The following ANO10 variants were observed in gnomAD, a reference collection of about 807,000 sequenced individuals.
The protein encoded by ANO10 is anoctamin-10.
Under a neutral mutation model 74.7 loss-of-function variants are expected in ANO10, and 77 were observed. The ratio of observed to expected loss-of-function variants is 1.03; its 90% confidence interval spans 0.86 to 1.25. The LOEUF is 1.25. Among genes scored for constraint, ANO10 ranks in the 50% most tolerant of loss-of-function variants. The pLI, the probability that ANO10 is intolerant of heterozygous loss-of-function variation, is 0.00. For synonymous variants in ANO10, 279 were observed against 284.9 expected, an observed-to-expected ratio of 0.98 and a Z score of 0.21; for missense variants, 721 against 778.1, an observed-to-expected ratio of 0.93 and a Z score of 0.87.
At chr3:43,620,701 G>A (rs2083348618) in intron 1 of ANO10, among the ~76,000 whole-genome samples, 1 of 152,168 alleles carries the variant, frequency 6.6e-6, no homozygotes, top group African/African-American at 2.4e-5. Flanking sequence ...AGAGGCGGAG[G>A]TTGCAGTGAG....
chr3:43,388,858 G>T (rs2092200089), intron 12 of ANO10, among the ~76,000 whole-genome samples: 2 of 152,214 alleles, frequency 1.3e-5, no homozygotes, highest in South Asian at 4.1e-4. Flanking sequence ...ATGGAAAGAA[G>T]CTAGTCCCAA....
chr3:43,588,315 G>C (rs1485723793), intron 4 of ANO10, among the ~76,000 whole-genome samples: 1 of 151,864 alleles, frequency 6.6e-6, no homozygotes, highest in Non-Finnish European at 1.5e-5. Flanking sequence ...AAGAAATTAA[G>C]TAATAGCCTA....
chr3:43,371,694 G>A (rs1012731281), intron 12 of ANO10, among the ~76,000 whole-genome samples: 5 of 152,134 alleles, frequency 3.3e-5, no homozygotes, highest in African/African-American at 1.2e-4. Flanking sequence ...CCACAAGCAA[G>A]GGCTTCTCTA....
chr3:43,552,271 T>C (rs921842269), intron 10 of ANO10, among the ~76,000 whole-genome samples: 1 of 152,260 alleles, frequency 6.6e-6, no homozygotes, highest in Middle Eastern at 3.4e-3. Flanking sequence ...CTTGTCTACA[T>C]AGGTTGGGTA....
intron 1 of ANO10, among the ~76,000 whole-genome samples, chr3:43,680,378 T>G (rs2084179418): frequency 6.6e-6 from 1 of 151,790 alleles, no homozygotes. Context: ...AGAAGAGAAG[T>G]TTAGAGAAAA....
chr3:43,525,095 T>G lies in ANO10; in HGVS notation c.1797+24625A>C, dbSNP rs576066137. Among the ~76,000 whole-genome samples, 3 of 152,228 alleles carry G rather than the reference T, an allele frequency of 2.0e-5. No homozygotes were observed. In the South Asian group the frequency reaches 6.2e-4, roughly 32 times the overall value. On this transcript the variant is annotated intron_variant, in intron 11 of 12. Transcript: ENST00000292246. ...TGTGTTGAGGTCATCACCACAGCCA[T>G]ACTCTTACCCCCCACCGACCAATGA...
chr3:43,389,555 G>A lies in ANO10; in HGVS notation c.1915-22581C>T, dbSNP rs975554309. ...CATTTCAGAGAAGTCAAACAAACAAGCTTGCACCAAATAAATAACCATGCA... is the reference window on the plus strand; with the variant it reads ...CATTTCAGAGAAGTCAAACAAACAAACTTGCACCAAATAAATAACCATGCA... On this transcript the variant is annotated intron_variant, in intron 12 of 12. Transcript: ENST00000292246. Among the ~76,000 whole-genome samples, 12 of 152,144 alleles carry A rather than the reference G, an allele frequency of 7.9e-5. 1 individual carries two copies. Among genetic ancestry groups the A allele is most frequent in the Non-Finnish European group, 1.8e-4 (12 of 68,028 alleles).
chr3:43,438,040 G>A (rs2093098962), intron 11 of ANO10, among the ~76,000 whole-genome samples: 1 of 152,076 alleles, frequency 6.6e-6, no homozygotes, highest in Admixed American at 6.6e-5. Flanking sequence ...TAAATAAAAT[G>A]AGGAAAACAA....
At chr3:43,595,190 A>T (rs2082013796) in intron 4 of ANO10, among the ~76,000 whole-genome samples, 1 of 152,246 alleles carries the variant, frequency 6.6e-6, no homozygotes, top group Non-Finnish European at 1.5e-5. Flanking sequence ...AGGTACAAAG[A>T]GGAGCTGGCA....
intron 12 of ANO10, among the ~76,000 whole-genome samples, chr3:43,403,043 T>C (rs952580702): frequency 6.6e-6 from 1 of 152,228 alleles, no homozygotes. Flanking sequence ...GCAGGGCCTC[T>C]GAGCCTCAAA....
chr3:43,670,641 T>G (rs537998016), intron 1 of ANO10, among the ~76,000 whole-genome samples: 60 of 152,308 alleles, frequency 3.9e-4, no homozygotes, highest in African/African-American at 1.4e-3. Flanking sequence ...GAGGGGTCAG[T>G]TCTAATTTAC....
At chr3:43,622,317 G>C (rs188133363), upstream of ANO10, among the ~76,000 whole-genome samples, 2 of 152,234 alleles carry the variant, frequency 1.3e-5, no homozygotes, top group African/African-American at 4.8e-5. Flanking sequence ...AATCCGGACG[G>C]CAGCGGGAGA....
chr3:43,684,187 A>G (rs1265499344), intron 1 of ANO10, among the ~76,000 whole-genome samples: 4 of 152,220 alleles, frequency 2.6e-5, no homozygotes, highest in African/African-American at 4.8e-5. Flanking sequence ...CTCATCTGAC[A>G]AAGGGCTAAT....
chr3:43,502,366 T>C (rs540038852), intron 11 of ANO10, among the ~76,000 whole-genome samples: 29 of 152,286 alleles, frequency 1.9e-4, no homozygotes, highest in African/African-American at 6.5e-4. Context: ...TTTGGTGCCA[T>C]CCTTGCTGTA....
chr3:43,570,819 A>C (rs1171735965), intron 7 of ANO10, among the ~76,000 whole-genome samples: 21 of 141,294 alleles, frequency 1.5e-4, no homozygotes, highest in Non-Finnish European at 1.5e-4. Flanking sequence ...GCAACAAAAG[A>C]CAAAATTGAC....
intron 11 of ANO10, among the ~76,000 whole-genome samples, chr3:43,513,440 A>T (rs1435489154): frequency 2.0e-5 from 3 of 152,268 alleles, no homozygotes; most frequent in Non-Finnish European, 4.4e-5. Context: ...ACAACAAAAC[A>T]AAAAGTTGTT....
chr3:43,471,610 A>G (rs2075861445), intron 11 of ANO10, among the ~76,000 whole-genome samples: 2 of 152,164 alleles, frequency 1.3e-5, no homozygotes, highest in African/African-American at 4.8e-5. Flanking sequence ...GTGACAGAGG[A>G]GCAAGTATTT....
At chr3:43,483,814 G>T (rs981607849) in intron 11 of ANO10, among the ~76,000 whole-genome samples, 1 of 152,094 alleles carries the variant, frequency 6.6e-6, no homozygotes, top group Non-Finnish European at 1.5e-5. Context: ...TTGAAACAGG[G>T]GCTTACAGGT....
chr3:43,429,792 TTTAC>T (rs2092954393), intron 12 of ANO10, among the ~76,000 whole-genome samples: 1 of 152,160 alleles, frequency 6.6e-6, no homozygotes, highest in African/African-American at 2.4e-5. Flanking sequence ...TATACAATAA[TTTAC>T]TTAACCATTC....
Sources: allele counts gnomAD v4.1 joint callset (sites outside exome capture counted in the v4.1 genomes callset), GRCh38; gene constraint gnomAD v4.1.1; transcripts MANE v1.5; gene names NCBI Gene and HGNC (gene_info 2026-07-23, HGNC 2026-07-21).